The following GAREM1 variants were observed in gnomAD, a reference collection of about 807,000 sequenced individuals.
The protein encoded by GAREM1 is GRB2 associated regulator of MAPK1 subtype 1, also known as GRB2-associated and regulator of MAPK protein 1.
GAREM1 carries 26 observed loss-of-function variants against 71.3 expected under a neutral mutation model. The observed-to-expected ratio is 0.36, with a 90% CI of 0.27 to 0.51. The LOEUF (loss-of-function observed/expected upper bound fraction) is 0.51. GAREM1 is among the 20% of genes least tolerant of loss of function. The pLI, the probability that GAREM1 is intolerant of heterozygous loss-of-function variation, is 0.95. For missense variants in GAREM1, 1,026 were observed against 1,103.1 expected (o/e 0.93, Z 0.99); for synonymous variants, 440 against 433.2 (o/e 1.02, Z -0.20).
At chr18:32,296,364 C>A (rs2047139768) in intron 3 of GAREM1, among the ~76,000 whole-genome samples, 1 of 152,176 alleles carries the variant, frequency 6.6e-6, no homozygotes, top group South Asian at 2.1e-4. Flanking sequence ...TGTTATGTGA[C>A]CATGGCATGT....
intron 2 of GAREM1, among the ~76,000 whole-genome samples, chr18:32,356,617 C>T (rs2047808649): frequency 6.6e-6 from 1 of 152,144 alleles, no homozygotes; most frequent in Non-Finnish European, 1.5e-5. Context: ...ATGTCAGATA[C>T]TGTACAAGTG....
At position 32,303,595 on chromosome 18, in the gene GAREM1, A is replaced by G. The variant is rs1209337430; in HGVS notation, c.393+6598T>C. Among the ~76,000 whole-genome samples, 3 of 152,330 alleles carry G rather than the reference A, an allele frequency of 2.0e-5. No homozygotes were observed. The East Asian group carries it at 5.8e-4, about 29-fold the overall frequency. On this transcript the variant is annotated intron_variant, in intron 3 of 5. Coordinates refer to ENST00000269209, the MANE Select transcript of GAREM1 (RefSeq NM_001242409.2). ...AGCTACTATGTACTGAGTTCTTAAT[A>G]GTAAGTCACTGGGTAGGAAGTATTA...
At chr18:32,389,351 T>C (rs1262888673) in intron 2 of GAREM1, among the ~76,000 whole-genome samples, 2 of 152,202 alleles carry the variant, frequency 1.3e-5, no homozygotes, top group African/African-American at 4.8e-5. Context: ...TTAACATTTA[T>C]GGAGGCTTAC....
At chr18:32,345,217 A>G (rs1193376795) in intron 2 of GAREM1, among the ~76,000 whole-genome samples, 1 of 152,248 alleles carries the variant, frequency 6.6e-6, no homozygotes, top group Non-Finnish European at 1.5e-5. Context: ...GACTAATCAT[A>G]AAGATTTCAT....
chr18:32,451,420 C>T (rs1239153469), intron 1 of GAREM1, among the ~76,000 whole-genome samples: 1 of 152,164 alleles, frequency 6.6e-6, no homozygotes, highest in Non-Finnish European at 1.5e-5. Flanking sequence ...CACCAAATCT[C>T]GCCTACTCTG....
At chr18:32,311,035 C>A (rs182450512) in intron 2 of GAREM1, among the ~76,000 whole-genome samples, 49 of 152,184 alleles carry the variant, frequency 3.2e-4, no homozygotes, top group South Asian at 8.3e-4. Context: ...GAAATTCATG[C>A]GAGTAGGCCA....
At chr18:32,346,496 T>C (rs541870198) in intron 2 of GAREM1, among the ~76,000 whole-genome samples, 3 of 152,204 alleles carry the variant, frequency 2.0e-5, no homozygotes, top group Non-Finnish European at 4.4e-5. Context: ...AGGTAAACTG[T>C]TATTTTAAAA....
At chr18:32,351,726 A>G (rs1382291037) in intron 2 of GAREM1, among the ~76,000 whole-genome samples, 1 of 151,508 alleles carries the variant, frequency 6.6e-6, no homozygotes, top group African/African-American at 2.4e-5. Context: ...ACTTACACAG[A>G]CAGAACACAT....
chr18:32,321,623 T>A (rs113372104), intron 2 of GAREM1, among the ~76,000 whole-genome samples: 2,206 of 152,322 alleles, frequency 0.014, 60 homozygotes, highest in African/African-American at 0.049. Flanking sequence ...TCTTTTTACT[T>A]CCTGAATCAA....
Position 32,470,804 on chromosome 18 carries a change from C to T in GAREM1, c.-376G>A, listed in dbSNP as rs1310528335. ...CCGCTCGCCTCCTCCTCCTCTTACC[C>T]CTCCTTCCCTCCGCCTCGAGCGTGT... On this transcript the variant is annotated 5_prime_UTR_variant, in exon 1 of 6. Transcript: ENST00000269209. The surrounding 1 kb of genome is among the most constrained non-coding windows in gnomAD (Gnocchi z 4.4). Among the ~76,000 whole-genome samples the T allele has an allele frequency of 6.7e-6, 1 of 150,346 alleles. No individual in the cohort carries two copies. Among genetic ancestry groups the T allele is most frequent in the African/African-American group, 2.4e-5 (1 of 41,250 alleles).
chr18:32,289,988 T>TC (rs2047064705), intron 3 of GAREM1, among the ~76,000 whole-genome samples: 2 of 149,316 alleles, frequency 1.3e-5, no homozygotes, highest in African/African-American at 5.0e-5. Context: ...GGTAGGTTTT[T>TC]TTTTGTGTGT....
rs1382900529 is a variant in GAREM1, at chr18:32,351,719, TACAC to T, written c.262+41172_262+41175del. On this transcript the variant is annotated intron_variant, in intron 2 of 5. Transcript: ENST00000269209. ...CCTCTCTCTTTTTTTTTTTTTTACT[TACAC>T]AGACAGAACACATCACTAAAACAAT... Among the ~76,000 whole-genome samples, 5 of 151,808 alleles carry T rather than the reference TACAC, an allele frequency of 3.3e-5. No individual in the cohort carries two copies. The East Asian group carries it at 9.7e-4, about 29-fold the overall frequency.
intron 1 of GAREM1, among the ~76,000 whole-genome samples, chr18:32,433,786 A>G (rs1010822149): frequency 6.6e-6 from 1 of 152,164 alleles, no homozygotes; most frequent in Non-Finnish European, 1.5e-5. Flanking sequence ...CTTTGAGAGA[A>G]ATCAAAAGAA....
intron 2 of GAREM1, among the ~76,000 whole-genome samples, chr18:32,353,163 T>C (rs1010433618): frequency 2.0e-5 from 3 of 152,232 alleles, no homozygotes; most frequent in Non-Finnish European, 2.9e-5. Flanking sequence ...GTTACATTAA[T>C]ATTTTTAAAT....
chr18:32,268,078 T>G lies in GAREM1; in HGVS notation c.2424A>C (p.Leu808=). 1.2e-6 allele frequency: 2 copies of G among 1,614,122 alleles called. No individual in the cohort carries two copies. The highest frequency in any genetic ancestry group is 1.7e-6 in the Non-Finnish European group (2 of 1,180,010). ...DGSPWQPPAD[L]SGLSIEEVSK... ...ACACTTCCTCTATAGAGAGTCCTGA[T>G]AGGTCAGCAGGTGGCTGCCATGGGG... Residue 808 remains leucine (L), a synonymous_variant, in exon 6 of 6, where the codon CTA becomes CTC. Transcript: ENST00000269209.
intron 1 of GAREM1, among the ~76,000 whole-genome samples, chr18:32,462,830 G>A (rs1027656971): frequency 2.0e-5 from 3 of 152,076 alleles, no homozygotes; most frequent in African/African-American, 7.2e-5. Context: ...TGATAGATAG[G>A]GGTCCAGCAA....
chr18:32,366,122 C>T (rs969837797), intron 2 of GAREM1, among the ~76,000 whole-genome samples: 6 of 152,034 alleles, frequency 3.9e-5, no homozygotes, highest in Non-Finnish European at 7.4e-5. Flanking sequence ...CCACACTTGT[C>T]TCCTCCCCTC....
chr18:32,408,151 T>C (rs2048383238), intron 1 of GAREM1, among the ~76,000 whole-genome samples: 1 of 152,180 alleles, frequency 6.6e-6, no homozygotes, highest in Non-Finnish European at 1.5e-5. Flanking sequence ...GCTTCTAATA[T>C]ATTCTTTCAA....
chr18:32,423,172 C>T (rs921702692), intron 1 of GAREM1, among the ~76,000 whole-genome samples: 1 of 152,222 alleles, frequency 6.6e-6, no homozygotes, highest in African/African-American at 2.4e-5. Context: ...CAGTGGGACA[C>T]TAGCTGTGTG....
Sources: gnomAD v4.1 joint callset for allele counts (sites outside exome capture counted in the v4.1 genomes callset) on GRCh38, gnomAD v4.1.1 for gene constraint, Gnocchi (gnomAD v3.1) non-coding constraint, MANE v1.5 for transcripts, NCBI Gene and HGNC (gene_info 2026-07-23, HGNC 2026-07-21) for gene names.